Variants in TWSG1 observed in about 807,000 individuals in gnomAD.
TWSG1 encodes the protein twisted gastrulation protein homolog 1.
Under a neutral mutation model 23.0 loss-of-function variants are expected in TWSG1, and 15 were observed. That is an observed-to-expected ratio of 0.65 (90% CI 0.44 to 1.00). The LOEUF (loss-of-function observed/expected upper bound fraction) is 1.00. TWSG1 is among the 50% of genes least tolerant of loss of function. The pLI, the probability that TWSG1 is intolerant of heterozygous loss-of-function variation, is 0.00. For missense variants in TWSG1, 242 were observed against 278.7 expected (o/e 0.87, Z 0.94); for synonymous variants, 86 against 92.8 (o/e 0.93, Z 0.42).
At chr18:9,398,790 T>C (rs1239359805) in intron 4 of TWSG1, among the ~76,000 whole-genome samples, 1 of 152,100 alleles carries the variant, frequency 6.6e-6, no homozygotes, top group Non-Finnish European at 1.5e-5. Flanking sequence ...TGTCTGTTTT[T>C]AACTTATGGA....
At position 9,372,203 on chromosome 18, in the gene TWSG1, T is replaced by TGC. The variant is rs1448588084; in HGVS notation, c.223+12132_223+12133insGC. On this transcript the variant is annotated intron_variant, in intron 3 of 4. Transcript: ENST00000262120. ...GTAGTTCCCCCTTATCGGTGGGAGA[T>TGC]ACATTCCAGGGCCCACAGTGAATTC... Among the ~76,000 whole-genome samples the TGC allele has an allele frequency of 2.0e-5, 3 of 151,602 alleles. No individual in the cohort carries two copies. The East Asian group carries it at 5.8e-4, about 29-fold the overall frequency.
At chr18:9,386,886 A>G (rs12962166) in intron 3 of TWSG1, among the ~76,000 whole-genome samples, 70,669 of 152,114 alleles carry the variant, frequency 0.46, 17,680 homozygotes, top group East Asian at 0.71. Flanking sequence ...TGGGAAAACT[A>G]TTTTGACCTG....
At position 9,349,360 on chromosome 18, in the gene TWSG1, A is replaced by G. The variant is rs2040491294; in HGVS notation, c.124-10612A>G. Among the ~76,000 whole-genome samples the G allele has an allele frequency of 3.3e-5, 5 of 152,202 alleles. No individual in the cohort carries two copies. The South Asian group carries it at 8.3e-4, about 25-fold the overall frequency. Reference sequence around the variant, plus strand: ...TGATAGTTTTTAGGATGACATAAACATTGTATTTCATGAAAATATTCAAAA... The same window carrying G: ...TGATAGTTTTTAGGATGACATAAACGTTGTATTTCATGAAAATATTCAAAA... On this transcript the variant is annotated intron_variant, in intron 2 of 4. Coordinates refer to ENST00000262120, the MANE Select transcript of TWSG1 (RefSeq NM_020648.6).
At position 9,341,182 on chromosome 18, in the gene TWSG1, G is replaced by A. The variant is rs563241335; in HGVS notation, c.123+3830G>A. Among the ~76,000 whole-genome samples the A allele has an allele frequency of 1.1e-4, 17 of 152,296 alleles. No individual in the cohort carries two copies. In the South Asian group the frequency reaches 2.1e-3, roughly 19 times the overall value. ...GTTGGAGGAGTGACAGTGTCATGTT[G>A]TAAGCTGAACATGTGGATGGGATAT... On this transcript the variant is annotated intron_variant, in intron 2 of 4. Coordinates refer to ENST00000262120, the MANE Select transcript of TWSG1 (RefSeq NM_020648.6).
intron 3 of TWSG1, among the ~76,000 whole-genome samples, chr18:9,386,472 A>G (rs2040685106): frequency 6.6e-6 from 1 of 151,708 alleles, no homozygotes. Flanking sequence ...AAAAAAAGCA[A>G]TTGGAAAAAT....
At chr18:9,346,801 A>T (rs2040479283) in intron 2 of TWSG1, among the ~76,000 whole-genome samples, 1 of 152,198 alleles carries the variant, frequency 6.6e-6, no homozygotes, top group African/African-American at 2.4e-5. Context: ...ATCCATGTGC[A>T]GGTTTTGTGT....
chr18:9,337,433 A>T, intron 2 of TWSG1, 81 bp downstream of exon 2: 1 of 1,432,172 alleles, frequency 7.0e-7, no homozygotes, highest in Non-Finnish European at 9.6e-7. Context: ...TATAGAGTGC[A>T]TATATCATAT....
intron 3 of TWSG1, among the ~76,000 whole-genome samples, chr18:9,363,182 G>C (rs1383259285): frequency 1.3e-5 from 2 of 152,064 alleles, no homozygotes; most frequent in African/African-American, 2.4e-5. Context: ...TTCCCCTGTG[G>C]CTCCCTTGTA....
intron 3 of TWSG1, among the ~76,000 whole-genome samples, chr18:9,360,821 C>G (rs926411270): frequency 6.6e-6 from 1 of 152,156 alleles, no homozygotes; most frequent in Non-Finnish European, 1.5e-5. Flanking sequence ...TCTTTCCAAG[C>G]CTTTGATCCT....
At chr18:9,398,760 G>A (rs994584224) in intron 4 of TWSG1, among the ~76,000 whole-genome samples, 1 of 152,106 alleles carries the variant, frequency 6.6e-6, no homozygotes, top group Non-Finnish European at 1.5e-5. Flanking sequence ...TGCCTGGCCT[G>A]CATTTGCAGT....
At chr18:9,368,284 C>G (rs1053687668) in intron 3 of TWSG1, among the ~76,000 whole-genome samples, 1 of 152,132 alleles carries the variant, frequency 6.6e-6, no homozygotes, top group African/African-American at 2.4e-5. Context: ...TCACTGCAAC[C>G]TCCGCCTCCT....
rs373777919 is a variant in TWSG1, at chr18:9,386,486, AAG to A, written c.224-9789_224-9788del. Among the ~76,000 whole-genome samples, 854 of 151,972 alleles carry A rather than the reference AAG, an allele frequency of 5.6e-3. 2 individuals carry two copies. Among genetic ancestry groups the A allele is most frequent in the South Asian group, 0.016 (79 of 4,794 alleles). ...AAAAAAAAGCAATTGGAAAAATAAT[AAG>A]AGAGTCTGAAAATATTATTGGAGTG... On this transcript the variant is annotated intron_variant, in intron 3 of 4. Transcript: ENST00000262120.
chr18:9,341,129 A>C (rs1328838489), intron 2 of TWSG1, among the ~76,000 whole-genome samples: 2 of 152,116 alleles, frequency 1.3e-5, no homozygotes, highest in Admixed American at 1.3e-4. Context: ...ACCTGGATTT[A>C]AGTGGAGGGA....
rs371693711 is a variant in TWSG1, at chr18:9,369,140, TA to T, written c.223+9073del. The stretch of plus-strand genomic sequence containing the variant: ...ACAAACAAACAAACAAATAAATAAA[TA>T]AAATAAAATAAAATAAAATAAATAA... On this transcript the variant is annotated intron_variant, in intron 3 of 4. Transcript: ENST00000262120. Among the ~76,000 whole-genome samples, 328 of 78,094 alleles carry T rather than the reference TA, an allele frequency of 4.2e-3. 1 individual carries two copies. The highest frequency in any genetic ancestry group is 0.015 in the African/African-American group (311 of 20,260). 51.2% of individuals were successfully genotyped at this position (78,094 alleles called of 152,430 possible).
intron 2 of TWSG1, among the ~76,000 whole-genome samples, chr18:9,348,349 G>A (rs879852730): frequency 6.6e-6 from 1 of 152,158 alleles, no homozygotes; most frequent in Non-Finnish European, 1.5e-5. Context: ...GTTCTCTTTA[G>A]TTGAAGAATG....
intron 3 of TWSG1, among the ~76,000 whole-genome samples, chr18:9,375,486 T>C (rs1166765875): frequency 6.6e-6 from 1 of 152,120 alleles, no homozygotes; most frequent in Non-Finnish European, 1.5e-5. Flanking sequence ...AAGTTCTAGC[T>C]AACACAATAA....
In TWSG1 at chr18:9,396,410, C is replaced by T. The variant is rs750635347; in HGVS notation, c.354C>T (p.Ile118=). The T allele has an allele frequency of 6.8e-6, 11 of 1,614,056 alleles. No homozygotes were observed. Among genetic ancestry groups the T allele is most frequent in the African/African-American group, 2.7e-5 (2 of 74,920 alleles). The change falls in exon 4 of 5, where the codon ATC becomes ATT. Residue 118 remains isoleucine (I), a synonymous_variant. Coordinates refer to ENST00000262120, the MANE Select transcript of TWSG1 (RefSeq NM_020648.6). ...GAGATACTCAGTTGAATTGGAACAT[C>T]GTTTCTTTCCCTGTTGCAGAAGAAC... is the stretch of plus-strand genomic sequence containing the variant. ...TEGDTQLNWN[I]VSFPVAEELS... is the part of the protein sequence containing the mutation.
intron 2 of TWSG1, among the ~76,000 whole-genome samples, chr18:9,337,986 C>T (rs2040430259): frequency 6.6e-6 from 1 of 152,162 alleles, no homozygotes; most frequent in African/African-American, 2.4e-5. Flanking sequence ...CCACCACTCT[C>T]ATTTTTCTGG....
At chr18:9,392,236 G>A (rs1165112434) in intron 3 of TWSG1, among the ~76,000 whole-genome samples, 4 of 152,230 alleles carry the variant, frequency 2.6e-5, no homozygotes, top group African/African-American at 9.6e-5. Flanking sequence ...CATCTACATT[G>A]AAAATCTGTT....
Sources: allele counts gnomAD v4.1 joint callset (sites outside exome capture counted in the v4.1 genomes callset), GRCh38; gene constraint gnomAD v4.1.1; transcripts MANE v1.5; gene names NCBI Gene and HGNC (gene_info 2026-07-23, HGNC 2026-07-21).